Variants in MOSPD1 observed in about 807,000 individuals in gnomAD.
The protein encoded by MOSPD1 is motile sperm domain containing 1.
Under a neutral mutation model 16.7 loss-of-function variants are expected in MOSPD1, and 5 were observed. The observed-to-expected ratio is 0.30, with a 90% CI of 0.16 to 0.63. MOSPD1 has a LOEUF of 0.63. Ranked by LOEUF, MOSPD1 falls within the 30% of genes least tolerant of loss-of-function variation. The pLI is 0.82. For synonymous variants in MOSPD1, 67 were observed against 59.2 expected (o/e 1.13, Z -0.61); for missense variants, 104 against 153.6 (o/e 0.68, Z 1.71).
intron 3 of MOSPD1, 57 bp downstream of exon 3, chrX:134,899,033 A>G: frequency 2.2e-6 from 2 of 910,607 alleles, no homozygotes; most frequent in Non-Finnish European, 3.1e-6. Flanking sequence ...TTTTCAAGTT[A>G]AAAACATAAA....
chrX:134,890,584 G>A (rs756540976), intron 5 of MOSPD1, among the ~76,000 whole-genome samples: 15 of 110,761 alleles, frequency 1.4e-4, no homozygotes, highest in Non-Finnish European at 2.3e-4. Flanking sequence ...TGAGTTGGGC[G>A]GATCACCTGA....
At chrX:134,914,273 C>G (rs920313667) in intron 1 of MOSPD1, among the ~76,000 whole-genome samples, 1 of 112,097 alleles carries the variant, frequency 8.9e-6, no homozygotes, top group Non-Finnish European at 1.9e-5. Context: ...CTCTCAGATT[C>G]TACTGGGGCA....
chrX:134,909,836 A>G (rs927457810), intron 1 of MOSPD1, among the ~76,000 whole-genome samples: 2 of 111,941 alleles, frequency 1.8e-5, no homozygotes, highest in African/African-American at 6.5e-5. Context: ...ACTGCTATAA[A>G]TAATATGTAG....
intron 4 of MOSPD1, among the ~76,000 whole-genome samples, chrX:134,894,735 G>A (rs373461997): frequency 1.8e-5 from 2 of 111,466 alleles, no homozygotes; most frequent in East Asian, 2.8e-4. Flanking sequence ...TGAAAACCTT[G>A]TAAGCCAAAA....
At position 134,915,235 on chromosome X, in the gene MOSPD1, T is replaced by C. The variant is rs2082992198; in HGVS notation, c.-155A>G. 9.0e-6 allele frequency: 1 copy of C among 111,652 alleles called. No homozygotes were observed. The highest frequency in any genetic ancestry group is 3.8e-4 in the South Asian group (1 of 2,653). 9.2% of individuals were successfully genotyped at this position (111,652 alleles called of 1,213,427 possible). On this transcript the variant is annotated 5_prime_UTR_variant, in exon 1 of 6. Transcript: ENST00000370783. ...AGCTGCGACTGCTCCTCCGCTCCTT[T>C]GTCAGCGTCTCTAGGCTGCACTGCC...
intron 1 of MOSPD1, among the ~76,000 whole-genome samples, chrX:134,904,060 G>A: frequency 8.9e-6 from 1 of 112,092 alleles, no homozygotes; most frequent in Middle Eastern, 4.7e-3. Flanking sequence ...ACAAACAAAT[G>A]AAAAACTGTT....
At chrX:134,895,268 A>C (rs1252521203) in intron 4 of MOSPD1, among the ~76,000 whole-genome samples, 3 of 110,826 alleles carry the variant, frequency 2.7e-5, no homozygotes, top group African/African-American at 6.6e-5. Flanking sequence ...GAGGCTGCAG[A>C]GAACTATGAT....
At chrX:134,891,346 C>A in intron 5 of MOSPD1, 133 bp downstream of exon 5, 1 of 574,520 alleles carries the variant, frequency 1.7e-6, no homozygotes, top group Non-Finnish European at 2.7e-6. Flanking sequence ...TCAAAGGCAC[C>A]TGACCTCAAT....
chrX:134,910,055 A>G (rs1053920196), intron 1 of MOSPD1, among the ~76,000 whole-genome samples: 2 of 111,968 alleles, frequency 1.8e-5, no homozygotes, highest in African/African-American at 3.2e-5. Flanking sequence ...AGCAAAATCC[A>G]TATTATATGA....
chrX:134,896,200 G>A (rs1485889305), intron 4 of MOSPD1, among the ~76,000 whole-genome samples: 8 of 111,425 alleles, frequency 7.2e-5, no homozygotes, highest in African/African-American at 2.6e-4. Context: ...CCAAAGAGTT[G>A]AATATGAGGG....
chrX:134,889,213 A>G, intron 5 of MOSPD1, 21 bp from the exon 6 acceptor site: 2 of 1,169,037 alleles, frequency 1.7e-6, no homozygotes, highest in South Asian at 3.8e-5. Context: ...AAAAATGGAG[A>G]ACAGTTAAAG....
rs1340894425 is a variant in MOSPD1 at position 134,896,944 on chromosome X, A to G, written c.321T>C (p.Ala107=). Residue 107 remains alanine (A), a synonymous_variant, in exon 4 of 6, where the codon GCT becomes GCC. Coordinates refer to ENST00000370783, the MANE Select transcript of MOSPD1 (RefSeq NM_019556.3). ...TAGCAACAACCTCTTTTCTTCCCAA[A>G]GCCTTCCTTTGGCTTTGCTCGGAAA... is the stretch of plus-strand genomic sequence containing the variant. ...LQVSEQSQRK[A]LGRKEVVATL... 2.5e-6 allele frequency: 3 copies of G among 1,208,761 alleles called. No individual in the cohort carries two copies. Among genetic ancestry groups the G allele is most frequent in the Non-Finnish European group, 3.4e-6 (3 of 894,413 alleles).
intron 1 of MOSPD1, among the ~76,000 whole-genome samples, chrX:134,910,972 G>A (rs1407299723): frequency 1.8e-5 from 2 of 111,991 alleles, no homozygotes; most frequent in African/African-American, 6.5e-5. Context: ...AGGTGATTCC[G>A]ATCCACACTA....
At chrX:134,892,635 T>C (rs1255101852) in intron 4 of MOSPD1, among the ~76,000 whole-genome samples, 1 of 112,560 alleles carries the variant, frequency 8.9e-6, no homozygotes, top group African/African-American at 3.2e-5. Flanking sequence ...GGCTCACGCC[T>C]GTAATCCTAG....
intron 4 of MOSPD1, among the ~76,000 whole-genome samples, chrX:134,896,308 G>A (rs921430220): frequency 1.4e-4 from 15 of 110,842 alleles, no homozygotes; most frequent in South Asian, 3.8e-4. Flanking sequence ...GCCCACAGGG[G>A]ATATCATAAT....
At chrX:134,900,997 A>G (rs2082908899) in intron 1 of MOSPD1, among the ~76,000 whole-genome samples, 1 of 77,242 alleles carries the variant, frequency 1.3e-5, no homozygotes, top group Admixed American at 1.2e-4. Context: ...GTTCTCATAC[A>G]TTCAAAGAGA....
intron 1 of MOSPD1, among the ~76,000 whole-genome samples, chrX:134,906,335 C>T (rs994781625): frequency 6.5e-5 from 7 of 107,311 alleles, no homozygotes; most frequent in Non-Finnish European, 1.3e-4. Context: ...CACGCCACCA[C>T]GCCTGGCTAA....
intron 1 of MOSPD1, among the ~76,000 whole-genome samples, chrX:134,905,237 C>T (rs1030129671): frequency 2.8e-5 from 3 of 107,804 alleles, no homozygotes; most frequent in Admixed American, 9.9e-5. Context: ...GGCGTGGTGG[C>T]GGGCGCCTGT....
At chrX:134,899,558 G>A in intron 1 of MOSPD1, 24 bp from the exon 2 acceptor site, 1 of 652,237 alleles carries the variant, frequency 1.5e-6, no homozygotes, top group Non-Finnish European at 2.2e-6. Context: ...GAGAAAGCGA[G>A]AAGAAAAGTG....
Sources: gnomAD v4.1 joint callset for allele counts (sites outside exome capture counted in the v4.1 genomes callset) on GRCh38, gnomAD v4.1.1 for gene constraint, MANE v1.5 for transcripts, NCBI Gene and HGNC (gene_info 2026-07-23, HGNC 2026-07-21) for gene names.